The following HIPK2 variants were observed in gnomAD, a reference collection of about 807,000 sequenced individuals.
HIPK2 encodes homeodomain interacting protein kinase 2, also known as homeodomain-interacting protein kinase 2.
In HIPK2, 27 loss-of-function variants were observed where a neutral mutation model predicts 113.7. The ratio of observed to expected loss-of-function variants is 0.24; its 90% CI spans 0.17 to 0.33. The LOEUF (loss-of-function observed/expected upper bound fraction) is 0.33. HIPK2 is among the 10% of genes least tolerant of loss of function. The probability of loss-of-function intolerance (pLI) is 1.00; values close to 1 mark genes in which losing one functional copy is unlikely to be tolerated. For synonymous variants in HIPK2, 631 were observed against 642.2 expected (o/e 0.98, Z 0.26); for missense variants, 1,257 against 1,588.0 (o/e 0.79, Z 3.54).
At chr7:139,610,214 A>C (rs1011879254) in intron 9 of HIPK2, among the ~76,000 whole-genome samples, 2 of 152,234 alleles carry the variant, frequency 1.3e-5, no homozygotes, top group Admixed American at 6.5e-5. Context: ...CTAATAAGAA[A>C]TGCTAATTAT....
At chr7:139,718,586 A>C (rs1326346538) in intron 1 of HIPK2, among the ~76,000 whole-genome samples, 1 of 152,244 alleles carries the variant, frequency 6.6e-6, no homozygotes, top group East Asian at 1.9e-4. Flanking sequence ...ATACTAAAAA[A>C]GTTCCCGATT....
At chr7:139,731,646 A>G (rs566459482) in intron 1 of HIPK2, among the ~76,000 whole-genome samples, 2 of 152,174 alleles carry the variant, frequency 1.3e-5, no homozygotes, top group Non-Finnish European at 2.9e-5. Flanking sequence ...CTGTTCTCTA[A>G]CTGCAAAGAA....
intron 13 of HIPK2, among the ~76,000 whole-genome samples, chr7:139,583,139 A>C (rs1412751607): frequency 6.6e-6 from 1 of 152,240 alleles, no homozygotes; most frequent in African/African-American, 2.4e-5. Context: ...TTTAGTCCCC[A>C]CATTCTTCCA....
chr7:139,719,255 C>T lies in HIPK2; in HGVS notation c.20-2240G>A, dbSNP rs148080496. On this transcript the variant is annotated intron_variant, in intron 1 of 14. Coordinates refer to ENST00000406875, the MANE Select transcript of HIPK2 (RefSeq NM_022740.5). The stretch of plus-strand genomic sequence containing the variant: ...CTGAGTAGCTGGGACTACAGGTGTG[C>T]GCCACCACGCCCAGCTAATTTTCAT... Among the ~76,000 whole-genome samples the T allele has an allele frequency of 5.2e-3, 797 of 152,124 alleles. 15 individuals are homozygous for T. Among genetic ancestry groups the T allele is most frequent in the East Asian group, 0.033 (172 of 5,174 alleles).
intron 2 of HIPK2, among the ~76,000 whole-genome samples, chr7:139,655,130 G>A (rs2116501118): frequency 6.6e-6 from 1 of 152,316 alleles, no homozygotes; most frequent in South Asian, 2.1e-4. Flanking sequence ...CCCCAGCCTG[G>A]AGCTGAGTAT....
intron 1 of HIPK2, among the ~76,000 whole-genome samples, chr7:139,722,697 C>T (rs1009593680): frequency 6.6e-6 from 1 of 151,912 alleles, no homozygotes; most frequent in Admixed American, 6.5e-5. Flanking sequence ...GCCGGTTGGA[C>T]GTATGCTTAC....
At chr7:139,761,682 C>T (rs1395193237) in intron 1 of HIPK2, among the ~76,000 whole-genome samples, 1 of 152,136 alleles carries the variant, frequency 6.6e-6, no homozygotes, top group African/African-American at 2.4e-5. Flanking sequence ...TACAACCAGA[C>T]ATAGGGCACG....
chr7:139,667,427 T>C (rs548703930), intron 2 of HIPK2, among the ~76,000 whole-genome samples: 1 of 152,346 alleles, frequency 6.6e-6, no homozygotes, highest in African/African-American at 2.4e-5. Context: ...AAAATATTCA[T>C]GGCTGGGGAT....
intron 6 of HIPK2, among the ~76,000 whole-genome samples, chr7:139,620,830 C>A (rs1173531484): frequency 6.6e-6 from 1 of 152,238 alleles, no homozygotes; most frequent in South Asian, 2.1e-4. Flanking sequence ...ACAAAACTGA[C>A]TGCTCACACT....
At chr7:139,768,446 G>C (rs1043963698) in intron 1 of HIPK2, among the ~76,000 whole-genome samples, 1 of 150,032 alleles carries the variant, frequency 6.7e-6, no homozygotes. Flanking sequence ...TGGGAAATCA[G>C]TTTTTTTTTT....
At chr7:139,741,175 A>T (rs1406137894) in intron 1 of HIPK2, among the ~76,000 whole-genome samples, 1 of 152,180 alleles carries the variant, frequency 6.6e-6, no homozygotes, top group African/African-American at 2.4e-5. Flanking sequence ...CTAGTTAAGC[A>T]AGCTTGGGGG....
intron 9 of HIPK2, among the ~76,000 whole-genome samples, chr7:139,607,847 A>G (rs10225750): frequency 0.15 from 23,042 of 152,066 alleles, 1,875 homozygotes; most frequent in African/African-American, 0.21. Context: ...AAGTCAATGG[A>G]TAATACCTAA....
chr7:139,650,349 CAAAA>C (rs35368461), intron 2 of HIPK2, among the ~76,000 whole-genome samples: 6 of 100,198 alleles, frequency 6.0e-5, no homozygotes, highest in Admixed American at 1.1e-4. Flanking sequence ...GACTCCATCT[CAAAA>C]AAAAAAAAAA....
rs1799240953 is a variant in HIPK2, at chr7:139,596,969, G to A, written c.2465C>T (p.Ser822Phe). ...RNVSTCEVSS[S>F]QAISSPQRSK... ...TCGCTGTGGGGAGCTGATGGCCTGA[G>A]AGGAGGACACCTCACAGGTGGAGAC... Residue 822 changes from serine to phenylalanine, a missense_variant, in exon 12 of 15, where the codon TCT (serine) becomes TTT (phenylalanine). Ser to Phe is a radical substitution (Grantham distance 155). Transcript: ENST00000406875. 1 of 1,602,530 alleles carries A rather than the reference G, an allele frequency of 6.2e-7. No individual in the cohort carries two copies. Among genetic ancestry groups the A allele is most frequent in the Admixed American group, 1.7e-5 (1 of 59,844 alleles).
intron 2 of HIPK2, among the ~76,000 whole-genome samples, chr7:139,658,267 T>C (rs1801742224): frequency 2.0e-5 from 3 of 150,860 alleles, no homozygotes; most frequent in South Asian, 4.2e-4. Flanking sequence ...GATCGTGCCA[T>C]TGCACTCCAG....
Position 139,573,293 on chromosome 7 carries a change from G to T in HIPK2, c.3231C>A (p.Ser1077Arg), listed in dbSNP as rs769961103. The change falls in exon 15 of 15, where the codon AGC becomes AGA. Residue 1077 changes from serine to arginine, a missense_variant. Around this residue, in one of 5 missense-constraint regions of HIPK2, gnomAD observed 862 missense variants for 1,004.3 expected, o/e 0.86. Transcript: ENST00000406875. ...AQAPYSFPHNSPSHGTVHPHL... is the reference protein window; with the variant it reads ...AQAPYSFPHNRPSHGTVHPHL... ...GCGGGTGCACAGTGCCGTGGCTGGG[G>T]CTGTTGTGCGGGAAGGAGTACGGAG... 10 of 1,605,032 alleles carry T rather than the reference G, an allele frequency of 6.2e-6. No homozygotes were observed. Among genetic ancestry groups the T allele is most frequent in the Non-Finnish European group, 8.5e-6 (10 of 1,179,826 alleles).
chr7:139,572,843 G>C lies in HIPK2; in HGVS notation c.*84C>G. On this transcript the variant is annotated 3_prime_UTR_variant, in exon 15 of 15. Transcript: ENST00000406875. ...TTCAGTATAAAAGGCCAGCGCCCAC[G>C]GTCCCAGGAGCGCCTCCCTCCTTCT... 4.1e-6 allele frequency: 4 copies of C among 987,362 alleles called. No individual in the cohort carries two copies. The highest frequency in any genetic ancestry group is 5.2e-6 in the Non-Finnish European group (4 of 772,122). 61.2% of individuals were successfully genotyped at this position (987,362 alleles called of 1,614,324 possible). A position where few individuals can be genotyped will look rare whatever the true frequency, so the allele number is the denominator to read the frequency against.
chr7:139,749,623 C>T (rs901917186), intron 1 of HIPK2, among the ~76,000 whole-genome samples: 1 of 152,206 alleles, frequency 6.6e-6, no homozygotes, highest in Non-Finnish European at 1.5e-5. Flanking sequence ...CCCAACAGGT[C>T]TGAGGTAAGA....
At chr7:139,756,513 C>T (rs12374780) in intron 1 of HIPK2, among the ~76,000 whole-genome samples, 17,225 of 152,218 alleles carry the variant, frequency 0.11, 1,172 homozygotes, top group Non-Finnish European at 0.16. Context: ...CAACCTCTGC[C>T]TCCCGGGTTC....
Sources: allele counts gnomAD v4.1 joint callset (sites outside exome capture counted in the v4.1 genomes callset), GRCh38; gene constraint gnomAD v4.1.1; regional missense constraint gnomAD v4.1.1; transcripts MANE v1.5; gene names NCBI Gene and HGNC (gene_info 2026-07-23, HGNC 2026-07-21).